KLF12: variants seen among roughly 807,000 people sequenced by gnomAD.
The protein encoded by KLF12 is Krueppel-like factor 12.
Under a neutral mutation model 37.8 loss-of-function variants are expected in KLF12, and 9 were observed. The observed-to-expected ratio is 0.24, with a 90% CI of 0.14 to 0.42. KLF12 has a LOEUF of 0.42. Ranked by LOEUF, KLF12 falls within the 10% of genes least tolerant of loss-of-function variation. The probability of loss-of-function intolerance (pLI) is 1.00; values close to 1 mark genes in which losing one functional copy is unlikely to be tolerated. For missense variants in KLF12, 411 were observed against 516.0 expected (o/e 0.80, Z 1.97); for synonymous variants, 208 against 202.1 (o/e 1.03, Z -0.25).
rs374726607 is a variant in KLF12, at chr13:74,054,374, G to A, written c.-31-59321C>T. On this transcript the variant is annotated intron_variant, in intron 1 of 7. Coordinates refer to ENST00000377669, the MANE Select transcript of KLF12 (RefSeq NM_007249.5). ...GCCATTAGGGTAGCTGTAGTCAGAAGCTGGAGTTTTTCCATCAGCATAAAA... is the reference window on the plus strand; with the variant it reads ...GCCATTAGGGTAGCTGTAGTCAGAAACTGGAGTTTTTCCATCAGCATAAAA... Among the ~76,000 whole-genome samples the A allele has an allele frequency of 4.6e-5, 7 of 152,162 alleles. No homozygotes were observed. In the East Asian group the frequency reaches 7.7e-4, roughly 17 times the overall value.
chr13:74,093,951 G>A (rs1875824230), intron 1 of KLF12, among the ~76,000 whole-genome samples: 1 of 137,818 alleles, frequency 7.3e-6, no homozygotes. Context: ...AGTTCATTAG[G>A]AGTATCAGTA....
intron 1 of KLF12, among the ~76,000 whole-genome samples, chr13:74,030,576 G>T (rs1021478370): frequency 6.6e-6 from 1 of 151,762 alleles, no homozygotes; most frequent in Non-Finnish European, 1.5e-5. Flanking sequence ...TTCCTCCCAC[G>T]CTCTCTCTCA....
chr13:74,073,366 G>T (rs1323558565), intron 1 of KLF12, among the ~76,000 whole-genome samples: 1 of 152,158 alleles, frequency 6.6e-6, no homozygotes, highest in African/African-American at 2.4e-5. Flanking sequence ...ATCACATGCA[G>T]TAATGTTGAC....
At chr13:73,998,754 A>C (rs1466999153) in intron 1 of KLF12, among the ~76,000 whole-genome samples, 1 of 152,224 alleles carries the variant, frequency 6.6e-6, no homozygotes, top group East Asian at 1.9e-4. Context: ...CTTTTCTTCT[A>C]CTTAAAGCTA....
intron 2 of KLF12, among the ~76,000 whole-genome samples, chr13:73,974,241 G>C (rs911879091): frequency 2.7e-5 from 4 of 150,022 alleles, no homozygotes; most frequent in Admixed American, 2.0e-4. Flanking sequence ...ATAACAGACA[G>C]TGTTCCAGGA....
chr13:74,241,164 A>G, the KLF12 span, among the ~76,000 whole-genome samples: 1 of 151,956 alleles, frequency 6.6e-6, no homozygotes, highest in Admixed American at 6.6e-5. Context: ...CTTCTAACAG[A>G]CAGGACCCTC....
intron 6 of KLF12, among the ~76,000 whole-genome samples, chr13:73,725,254 C>T (rs987328926): frequency 2.0e-5 from 3 of 152,152 alleles, no homozygotes; most frequent in African/African-American, 7.2e-5. Flanking sequence ...GCGCCCGCCA[C>T]CACACCCAGC....
intron 3 of KLF12, among the ~76,000 whole-genome samples, chr13:73,888,216 C>G (rs1250696993): frequency 3.9e-5 from 6 of 152,072 alleles, no homozygotes; most frequent in Admixed American, 3.3e-4. Context: ...GTTGTCCAGG[C>G]TGGTCGTGAA....
At chr13:73,745,378 C>T (rs1878292531) in intron 6 of KLF12, among the ~76,000 whole-genome samples, 1 of 152,170 alleles carries the variant, frequency 6.6e-6, no homozygotes, top group Non-Finnish European at 1.5e-5. Flanking sequence ...CTCTGGTTTT[C>T]CTCCTCCAGT....
chr13:74,253,040 TATCTATCTATC>T, the KLF12 span, among the ~76,000 whole-genome samples: 13 of 151,986 alleles, frequency 8.6e-5, no homozygotes, highest in East Asian at 1.2e-3. Flanking sequence ...TCTATCTACC[TATCTATCTATC>T]ATCTATCTAT....
At chr13:73,748,590 G>A (rs973397217) in intron 6 of KLF12, among the ~76,000 whole-genome samples, 1 of 152,180 alleles carries the variant, frequency 6.6e-6, no homozygotes, top group African/African-American at 2.4e-5. Context: ...CCCGGGAACT[G>A]AATCACCAGA....
intron 6 of KLF12, among the ~76,000 whole-genome samples, chr13:73,735,531 C>T (rs1026931855): frequency 2.0e-5 from 3 of 151,852 alleles, no homozygotes; most frequent in Admixed American, 6.6e-5. Context: ...ATGGGCTGAG[C>T]GAGGCACACA....
At chr13:74,134,085 G>T (rs548446348), upstream of KLF12, among the ~76,000 whole-genome samples, 1 of 139,312 alleles carries the variant, frequency 7.2e-6, no homozygotes, top group African/African-American at 2.6e-5. Flanking sequence ...TTACCCCGGG[G>T]CCCAGCCGAG....
chr13:73,911,093 GATTT>G (rs144344225), intron 3 of KLF12, among the ~76,000 whole-genome samples: 3,800 of 152,048 alleles, frequency 0.025, 81 homozygotes, highest in South Asian at 0.068. Flanking sequence ...CAGACTAAGA[GATTT>G]ATTATCAAAT....
At chr13:73,781,729 G>T (rs1379149521) in intron 5 of KLF12, among the ~76,000 whole-genome samples, 2 of 151,842 alleles carry the variant, frequency 1.3e-5, no homozygotes, top group Non-Finnish European at 2.9e-5. Context: ...GCAGAAATAA[G>T]AATAAACCTA....
chr13:74,113,131 A>C (rs1877079198), intron 1 of KLF12, among the ~76,000 whole-genome samples: 4 of 152,212 alleles, frequency 2.6e-5, no homozygotes, highest in Admixed American at 2.6e-4. Context: ...GGAAGCCGGA[A>C]GAGTTTGGTT....
the KLF12 span, among the ~76,000 whole-genome samples, chr13:74,229,246 G>A: frequency 1.3e-5 from 2 of 152,160 alleles, no homozygotes; most frequent in African/African-American, 2.4e-5. Context: ...GGGGATAGTC[G>A]TTAGGAATGA....
intron 5 of KLF12, among the ~76,000 whole-genome samples, chr13:73,805,914 T>C (rs748344365): frequency 7.2e-5 from 11 of 151,916 alleles, no homozygotes; most frequent in Non-Finnish European, 1.2e-4. Flanking sequence ...AAGTGATTCT[T>C]GTGCCTTGGC....
At chr13:73,910,891 A>T (rs77878527) in intron 3 of KLF12, among the ~76,000 whole-genome samples, 1,859 of 152,248 alleles carry the variant, frequency 0.012, 42 homozygotes, top group African/African-American at 0.042. Context: ...CTTCATTAGA[A>T]GAGGAAGAGA....
Sources: gnomAD v4.1 joint callset for allele counts (sites outside exome capture counted in the v4.1 genomes callset) on GRCh38, gnomAD v4.1.1 for gene constraint, MANE v1.5 for transcripts, NCBI Gene and HGNC (gene_info 2026-07-23, HGNC 2026-07-21) for gene names.